Variants in FHIT observed in about 807,000 individuals in gnomAD.
FHIT encodes bis(5'-adenosyl)-triphosphatase.
FHIT carries 19 observed loss-of-function variants against 17.9 expected under a neutral mutation model. The observed-to-expected ratio is 1.06, with a 90% confidence interval of 0.74 to 1.56. The LOEUF (loss-of-function observed/expected upper bound fraction) is 1.56. Among genes scored for constraint, FHIT ranks in the 40% most tolerant of loss-of-function variants. The pLI is 0.00. For missense variants in FHIT, 248 were observed against 189.2 expected (o/e 1.31, Z -1.82); for synonymous variants, 81 against 69.7 (o/e 1.16, Z -0.81).
chr3:60,136,351 A>G (rs1699818058), intron 5 of FHIT, among the ~76,000 whole-genome samples: 1 of 152,178 alleles, frequency 6.6e-6, no homozygotes, highest in Non-Finnish European at 1.5e-5. Flanking sequence ...TTCATCCCAT[A>G]AACAGAAAAA....
At chr3:59,828,207 C>CT (rs1236836652) in intron 8 of FHIT, among the ~76,000 whole-genome samples, 4 of 152,124 alleles carry the variant, frequency 2.6e-5, no homozygotes, top group South Asian at 2.1e-4. Flanking sequence ...GACTGTGATC[C>CT]TTTTTTCTAT....
At chr3:60,171,934 G>C (rs1328139340) in intron 5 of FHIT, among the ~76,000 whole-genome samples, 1 of 152,024 alleles carries the variant, frequency 6.6e-6, no homozygotes, top group Non-Finnish European at 1.5e-5. Context: ...ACTGGCCTCA[G>C]TGATCCCTCT....
At chr3:60,333,084 G>C (rs548590695) in intron 5 of FHIT, among the ~76,000 whole-genome samples, 1 of 152,264 alleles carries the variant, frequency 6.6e-6, no homozygotes, top group African/African-American at 2.4e-5. Flanking sequence ...CAAGGTTTGG[G>C]AGCCATTTAC....
At chr3:59,944,227 C>T (rs1256794133) in intron 7 of FHIT, among the ~76,000 whole-genome samples, 1 of 152,156 alleles carries the variant, frequency 6.6e-6, no homozygotes, top group African/African-American at 2.4e-5. Flanking sequence ...AGTACAATAT[C>T]AAACCCAGGA....
chr3:60,321,792 A>G (rs1426267471), intron 5 of FHIT, among the ~76,000 whole-genome samples: 1 of 152,204 alleles, frequency 6.6e-6, no homozygotes, highest in African/African-American at 2.4e-5. Flanking sequence ...GCAGCTTCAG[A>G]GCCTGGTGAG....
chr3:60,203,847 A>T (rs1017416180), intron 5 of FHIT, among the ~76,000 whole-genome samples: 2 of 152,214 alleles, frequency 1.3e-5, no homozygotes, highest in Non-Finnish European at 2.9e-5. Context: ...GAACAGGAAG[A>T]CAAACTTCGC....
At chr3:60,776,642 A>G (rs907973455) in intron 4 of FHIT, among the ~76,000 whole-genome samples, 4 of 152,228 alleles carry the variant, frequency 2.6e-5, no homozygotes, top group Admixed American at 2.0e-4. Context: ...TTAACTAAGA[A>G]GGCAAACCTT....
chr3:60,103,454 C>T (rs1704276567), intron 5 of FHIT, among the ~76,000 whole-genome samples: 1 of 152,118 alleles, frequency 6.6e-6, no homozygotes, highest in Non-Finnish European at 1.5e-5. Flanking sequence ...CAAACAAACA[C>T]CACGATAAAT....
At chr3:59,973,896 TG>T (rs1351251360) in intron 7 of FHIT, among the ~76,000 whole-genome samples, 1 of 151,904 alleles carries the variant, frequency 6.6e-6, no homozygotes, top group Non-Finnish European at 1.5e-5. Flanking sequence ...TTTCTTCTTG[TG>T]GTACTATTAA....
At chr3:60,014,222 A>G in intron 5 of FHIT, 70 bp from the exon 6 acceptor site, 1 of 1,508,678 alleles carries the variant, frequency 6.6e-7, no homozygotes, top group Non-Finnish European at 9.1e-7. Flanking sequence ...GTTCATACCC[A>G]CAGGATTGAA....
At chr3:60,192,541 A>G (rs1702452523) in intron 5 of FHIT, among the ~76,000 whole-genome samples, 1 of 152,170 alleles carries the variant, frequency 6.6e-6, no homozygotes, top group South Asian at 2.1e-4. Context: ...CATCTGATCT[A>G]TGAACAATCA....
At chr3:60,393,665 C>A (rs977654832) in intron 5 of FHIT, among the ~76,000 whole-genome samples, 3 of 151,976 alleles carry the variant, frequency 2.0e-5, no homozygotes, top group Non-Finnish European at 4.4e-5. Context: ...TTTCTTCCTA[C>A]GTTTTTTTTA....
At chr3:60,561,334 G>A (rs1211959297) in intron 4 of FHIT, among the ~76,000 whole-genome samples, 1 of 152,054 alleles carries the variant, frequency 6.6e-6, no homozygotes. Context: ...TGGACCCCAA[G>A]ACACACTCAA....
chr3:60,319,935 C>T lies in FHIT; in HGVS notation c.103+216925G>A, dbSNP rs559636137. Among the ~76,000 whole-genome samples, 262 of 152,132 alleles carry T rather than the reference C, an allele frequency of 1.7e-3. 3 individuals carry two copies. The highest frequency in any genetic ancestry group is 1.4e-3 in the Non-Finnish European group (97 of 68,006). ...TTTATCAGGAAGAAAAACAGGAAAA[C>T]GACCTAAGAGGATGCACAATAGCAG... On this transcript the variant is annotated intron_variant, in intron 5 of 9. Transcript: ENST00000492590.
intron 5 of FHIT, among the ~76,000 whole-genome samples, chr3:60,365,584 A>C (rs1470794901): frequency 1.3e-5 from 2 of 152,202 alleles, no homozygotes; most frequent in Non-Finnish European, 2.9e-5. Context: ...ATAACTCATT[A>C]GTTATTTCCA....
intron 5 of FHIT, among the ~76,000 whole-genome samples, chr3:60,257,464 C>CT (rs1706058221): frequency 6.6e-6 from 1 of 152,304 alleles, no homozygotes; most frequent in African/African-American, 2.4e-5. Flanking sequence ...TCCCAGTTTT[C>CT]TTCCTCTGCT....
intron 5 of FHIT, among the ~76,000 whole-genome samples, chr3:60,068,312 G>A (rs1702610853): frequency 6.6e-6 from 1 of 152,144 alleles, no homozygotes; most frequent in Non-Finnish European, 1.5e-5. Flanking sequence ...GAAAATGTTT[G>A]CTTTCCCAAA....
intron 5 of FHIT, among the ~76,000 whole-genome samples, chr3:60,228,283 T>C (rs1371038978): frequency 6.6e-6 from 1 of 151,894 alleles, no homozygotes; most frequent in Non-Finnish European, 1.5e-5. Context: ...GCAAAGAAAA[T>C]TAGTGGTTGC....
chr3:59,850,858 G>C (rs565131713), intron 8 of FHIT, among the ~76,000 whole-genome samples: 1 of 152,274 alleles, frequency 6.6e-6, no homozygotes, highest in East Asian at 1.9e-4. Flanking sequence ...GGGAGGTAGA[G>C]GTGGTGATCC....
Sources: allele counts gnomAD v4.1 joint callset (sites outside exome capture counted in the v4.1 genomes callset), GRCh38; gene constraint gnomAD v4.1.1; transcripts MANE v1.5; gene names NCBI Gene and HGNC (gene_info 2026-07-23, HGNC 2026-07-21).